Variants in STAG1 observed in about 807,000 individuals in gnomAD.
STAG1 encodes STAG1 cohesin complex component.
STAG1 carries 26 observed loss-of-function variants against 170.9 expected under a neutral mutation model. The ratio of observed to expected loss-of-function variants is 0.15; its 90% confidence interval spans 0.11 to 0.21. STAG1 has a LOEUF of 0.21. Ranked by LOEUF, STAG1 falls within the 10% of genes least tolerant of loss-of-function variation. The probability of loss-of-function intolerance (pLI) is 1.00; values close to 1 mark genes in which losing one functional copy is unlikely to be tolerated. For synonymous variants in STAG1, 514 were observed against 497.7 expected (o/e 1.03, Z -0.44); for missense variants, 964 against 1,509.5 (o/e 0.64, Z 5.99).
At chr3:136,504,032 C>T (rs1559845471) in intron 7 of STAG1, among the ~76,000 whole-genome samples, 2 of 152,174 alleles carry the variant, frequency 1.3e-5, no homozygotes, top group Admixed American at 6.5e-5. Context: ...CCACCGCACC[C>T]GGCCTATTTT....
At chr3:136,541,290 G>A (rs1935887734) in intron 6 of STAG1, among the ~76,000 whole-genome samples, 1 of 151,916 alleles carries the variant, frequency 6.6e-6, no homozygotes, top group African/African-American at 2.4e-5. Context: ...AAATCAAAAG[G>A]CAGATTGTTA....
intron 3 of STAG1, 33 bp downstream of exon 3, chr3:136,623,113 T>A: frequency 1.9e-6 from 3 of 1,569,388 alleles, no homozygotes; most frequent in Non-Finnish European, 2.6e-6. Flanking sequence ...CGGTCACTAT[T>A]AAAGGAACAA....
chr3:136,538,620 T>C (rs909006371), intron 6 of STAG1, among the ~76,000 whole-genome samples: 1 of 152,032 alleles, frequency 6.6e-6, no homozygotes, highest in Non-Finnish European at 1.5e-5. Context: ...GGTTTCAGCA[T>C]ATTGGCCTGG....
At chr3:136,403,447 T>TA (rs2087395412) in intron 21 of STAG1, among the ~76,000 whole-genome samples, 1 of 151,794 alleles carries the variant, frequency 6.6e-6, no homozygotes, top group Non-Finnish European at 1.5e-5. Context: ...ACATTAGTGC[T>TA]AAAAAAATTA....
chr3:136,521,491 C>A, intron 6 of STAG1, 74 bp from the exon 7 acceptor site: 4 of 1,319,458 alleles, frequency 3.0e-6, no homozygotes, highest in South Asian at 2.7e-5. Flanking sequence ...TTTCTTCCTA[C>A]CTACATAGGA....
At chr3:136,599,894 T>C (rs1938591550) in intron 4 of STAG1, among the ~76,000 whole-genome samples, 4 of 152,228 alleles carry the variant, frequency 2.6e-5, no homozygotes, top group Admixed American at 1.3e-4. Flanking sequence ...TACATATTCA[T>C]TATTTTATTA....
intron 3 of STAG1, among the ~76,000 whole-genome samples, chr3:136,622,821 G>A (rs1939925101): frequency 6.6e-6 from 1 of 152,082 alleles, no homozygotes; most frequent in African/African-American, 2.4e-5. Context: ...ACAGTACTTG[G>A]GAGCTCATAA....
intron 4 of STAG1, among the ~76,000 whole-genome samples, chr3:136,571,286 G>A (rs189593307): frequency 6.6e-6 from 1 of 152,116 alleles, no homozygotes; most frequent in Non-Finnish European, 1.5e-5. Context: ...TTAACACTTT[G>A]GTCTGAGCGT....
intron 5 of STAG1, among the ~76,000 whole-genome samples, chr3:136,551,335 C>T (rs1207541790): frequency 6.7e-6 from 1 of 148,914 alleles, no homozygotes; most frequent in Non-Finnish European, 1.5e-5. Flanking sequence ...GCAGCCTTGA[C>T]CTCCCAGAAT....
chr3:136,416,335 T>G (rs1050737604), intron 21 of STAG1, among the ~76,000 whole-genome samples: 2 of 152,162 alleles, frequency 1.3e-5, no homozygotes, highest in African/African-American at 2.4e-5. Flanking sequence ...TAATGTCACA[T>G]AAGTATGTAC....
intron 1 of STAG1, among the ~76,000 whole-genome samples, chr3:136,705,251 C>T (rs1239674847): frequency 6.6e-6 from 1 of 152,092 alleles, no homozygotes; most frequent in East Asian, 1.9e-4. Context: ...TGGCATGCGC[C>T]TATAATCCCA....
chr3:136,512,772 G>A (rs556398277), intron 7 of STAG1, among the ~76,000 whole-genome samples: 19 of 151,408 alleles, frequency 1.3e-4, no homozygotes, highest in South Asian at 1.0e-3. Flanking sequence ...CAGACTGCTC[G>A]ATAGTGATGC....
At chr3:136,710,220 A>G (rs1943344431) in intron 1 of STAG1, among the ~76,000 whole-genome samples, 1 of 152,166 alleles carries the variant, frequency 6.6e-6, no homozygotes, top group Admixed American at 6.6e-5. Context: ...TAAGACCCAG[A>G]AAAGTTCACC....
chr3:136,377,738 T>C lies in STAG1; in HGVS notation c.2292A>G (p.Val764=), dbSNP rs778501768. 1.2e-5 allele frequency: 20 copies of C among 1,613,870 alleles called. No homozygotes were observed. The highest frequency in any genetic ancestry group is 8.3e-5 in the Admixed American group (5 of 60,000). ...DGSPSKEDLL[V]LRKTVKSFLA... ...AAAAGGATTTCACCGTTTTCCTCAA[T>C]ACCAACAAATCCTCCTGTAAGACAC... The change falls in exon 23 of 34, where the codon GTA becomes GTG. Residue 764 remains valine, a synonymous_variant. Transcript: ENST00000383202.
chr3:136,484,064 C>T (rs1210024576), intron 9 of STAG1, among the ~76,000 whole-genome samples: 1 of 123,984 alleles, frequency 8.1e-6, no homozygotes, highest in Admixed American at 8.7e-5. Context: ...CGTCTGAAGC[C>T]TTCTTCTCTC....
intron 21 of STAG1, among the ~76,000 whole-genome samples, chr3:136,400,953 A>C (rs2087307121): frequency 6.6e-6 from 1 of 152,154 alleles, no homozygotes; most frequent in Non-Finnish European, 1.5e-5. Flanking sequence ...TCTGCTTTGC[A>C]TTGTTACAAT....
At chr3:136,451,740 G>T (rs1476185258) in intron 14 of STAG1, among the ~76,000 whole-genome samples, 1 of 151,752 alleles carries the variant, frequency 6.6e-6, no homozygotes, top group Non-Finnish European at 1.5e-5. Flanking sequence ...TCCAGCCTGG[G>T]TGACAGAGTG....
intron 5 of STAG1, among the ~76,000 whole-genome samples, chr3:136,549,345 T>C (rs1936290095): frequency 6.6e-6 from 1 of 152,070 alleles, no homozygotes; most frequent in Non-Finnish European, 1.5e-5. Context: ...AGTTTCACAC[T>C]TGTCACCCAA....
In STAG1 at chr3:136,417,943, A is replaced by G. The variant is rs1321240307; in HGVS notation, c.2138T>C (p.Phe713Ser). ...CTTCAATAATCTGTAGCAATTACCA[A>G]AGAGATCCCATTTTGTGAGATCATG... ...NAHDLTKWDL[F>S]GNCYRLLKTG... The change falls in exon 21 of 34, where the codon TTT becomes TCT. Residue 713 changes from phenylalanine to serine, a missense_variant. Phe to Ser is a radical substitution (Grantham distance 155). Coordinates refer to ENST00000383202, the MANE Select transcript of STAG1 (RefSeq NM_005862.3). 6.2e-7 allele frequency: 1 copy of G among 1,613,838 alleles called. No individual in the cohort carries two copies. Among genetic ancestry groups the G allele is most frequent in the South Asian group, 1.1e-5 (1 of 91,084 alleles).
Sources: allele counts gnomAD v4.1 joint callset (sites outside exome capture counted in the v4.1 genomes callset), GRCh38; gene constraint gnomAD v4.1.1; transcripts MANE v1.5; gene names NCBI Gene and HGNC (gene_info 2026-07-23, HGNC 2026-07-21).